Variants in ARID1B observed in about 807,000 individuals in gnomAD.
The protein encoded by ARID1B is AT-rich interaction domain 1B, also known as AT-rich interactive domain-containing protein 1B.
Under a neutral mutation model 212.3 loss-of-function variants are expected in ARID1B, and 30 were observed. The observed-to-expected ratio is 0.14, with a 90% CI of 0.11 to 0.19. ARID1B has a LOEUF of 0.19. Among genes scored for constraint, ARID1B ranks in the 10% least tolerant of loss-of-function variants. ARID1B has a pLI of 1.00. For synonymous variants in ARID1B, 1,402 were observed against 1,301.7 expected (o/e 1.08, Z -1.66); for missense variants, 2,891 against 3,204.0 (o/e 0.90, Z 2.36).
chr6:156,848,306 A>G (rs1371973386), intron 2 of ARID1B, among the ~76,000 whole-genome samples: 1 of 152,252 alleles, frequency 6.6e-6, no homozygotes, highest in Non-Finnish European at 1.5e-5. Context: ...GTGAAACTAA[A>G]AACAACAACA....
intron 2 of ARID1B, among the ~76,000 whole-genome samples, chr6:156,858,464 T>G (rs983128239): frequency 1.3e-5 from 2 of 152,202 alleles, no homozygotes; most frequent in Non-Finnish European, 2.9e-5. Context: ...ATTGTATGCT[T>G]GTATCAAAAG....
chr6:157,041,283 G>A (rs931329276), intron 4 of ARID1B, among the ~76,000 whole-genome samples: 7 of 152,114 alleles, frequency 4.6e-5, no homozygotes, highest in Admixed American at 3.3e-4. Flanking sequence ...TGATAAATCA[G>A]CTAAACATTT....
intron 2 of ARID1B, among the ~76,000 whole-genome samples, chr6:156,874,194 A>G (rs1433887581): frequency 6.6e-6 from 1 of 152,278 alleles, no homozygotes; most frequent in East Asian, 1.9e-4. Context: ...CCTTTCAGGT[A>G]GCTGGGACAA....
intron 4 of ARID1B, among the ~76,000 whole-genome samples, chr6:157,042,610 C>T (rs1376734541): frequency 6.6e-6 from 1 of 150,976 alleles, no homozygotes; most frequent in African/African-American, 2.4e-5. Flanking sequence ...AAAAATGATG[C>T]AATTTATGCT....
Position 157,200,907 on chromosome 6 carries a change from T to C in ARID1B, c.4682T>C (p.Ile1561Thr). The change falls in exon 18 of 20, where the codon ATC becomes ACC. Residue 1561 changes from isoleucine to threonine, a missense_variant. By Grantham distance (89) the Ile-to-Thr change is moderately conservative. This residue lies in a region of ARID1B where 666 missense variants were observed against 873.5 expected (regional missense o/e 0.76). Transcript: ENST00000636930. The surrounding 1 kb of genome is among the most constrained non-coding windows in gnomAD (Gnocchi z 4.3). Reference sequence around the variant, plus strand: ...GAGAGGATGCAGGGCCCGGGGCAGATCCAGACACACGGAATCCCGCCTCAG... The same window carrying C: ...GAGAGGATGCAGGGCCCGGGGCAGACCCAGACACACGGAATCCCGCCTCAG... ...SRERMQGPGQ[I>T]QTHGIPPQMM... 1 of 1,613,742 alleles carries C rather than the reference T, an allele frequency of 6.2e-7. No individual in the cohort carries two copies. Among genetic ancestry groups the C allele is most frequent in the Non-Finnish European group, 8.5e-7 (1 of 1,179,932 alleles).
At chr6:157,120,120 AG>A (rs1314551935) in intron 6 of ARID1B, among the ~76,000 whole-genome samples, 3 of 152,218 alleles carry the variant, frequency 2.0e-5, no homozygotes, top group Non-Finnish European at 4.4e-5. Flanking sequence ...TTGCTTCTCC[AG>A]GGCATAGCGA....
chr6:156,991,376 G>A (rs1778267730), intron 4 of ARID1B, among the ~76,000 whole-genome samples: 2 of 152,090 alleles, frequency 1.3e-5, no homozygotes, highest in Admixed American at 6.5e-5. Context: ...GATTACAGGT[G>A]CCCATCACCA....
intron 4 of ARID1B, 61 bp from the exon 5 acceptor site, chr6:157,084,601 T>C (rs775185131): frequency 4.5e-6 from 7 of 1,559,372 alleles, no homozygotes; most frequent in Middle Eastern, 1.7e-4. Flanking sequence ...TTTCAAGTCG[T>C]CTTTTGATGA....
At chr6:156,928,599 C>T (rs1182496521) in intron 3 of ARID1B, among the ~76,000 whole-genome samples, 1 of 152,150 alleles carries the variant, frequency 6.6e-6, no homozygotes, top group Non-Finnish European at 1.5e-5. Context: ...CAGGGGGCCA[C>T]ATGGAGTCCT....
intron 2 of ARID1B, among the ~76,000 whole-genome samples, chr6:156,867,239 C>T (rs1407427246): frequency 6.6e-6 from 1 of 152,150 alleles, no homozygotes; most frequent in Non-Finnish European, 1.5e-5. Flanking sequence ...GAGGCTCCTC[C>T]ATGGAAAAGA....
intron 4 of ARID1B, among the ~76,000 whole-genome samples, chr6:157,077,626 C>A (rs1026319107): frequency 1.3e-5 from 2 of 152,178 alleles, no homozygotes; most frequent in Non-Finnish European, 2.9e-5. Flanking sequence ...TGGTTTGGAC[C>A]CCAGTCCCTG....
intron 13 of ARID1B, among the ~76,000 whole-genome samples, chr6:157,187,128 G>C (rs1009316044): frequency 3.9e-4 from 60 of 152,188 alleles, no homozygotes; most frequent in African/African-American, 1.3e-3. Flanking sequence ...TGGCGATCTT[G>C]TTATAAAGCA....
At chr6:156,796,396 C>G (rs1370150823) in intron 1 of ARID1B, among the ~76,000 whole-genome samples, 1 of 126,460 alleles carries the variant, frequency 7.9e-6, no homozygotes, top group Non-Finnish European at 1.6e-5. Context: ...AAGACTGGAC[C>G]TTTACTTTTT....
intron 1 of ARID1B, among the ~76,000 whole-genome samples, chr6:156,828,588 T>C (rs1782923768): frequency 6.6e-6 from 1 of 152,200 alleles, no homozygotes; most frequent in Admixed American, 6.5e-5. Flanking sequence ...ATTCAACATC[T>C]ACTTGTGAAC....
chr6:157,144,180 A>G (rs1789564061), intron 7 of ARID1B, among the ~76,000 whole-genome samples: 1 of 152,220 alleles, frequency 6.6e-6, no homozygotes, highest in African/African-American at 2.4e-5. Flanking sequence ...GTGTTCATTA[A>G]GATACAGCCC....
At chr6:156,879,487 T>C (rs1786866052) in intron 2 of ARID1B, among the ~76,000 whole-genome samples, 1 of 152,220 alleles carries the variant, frequency 6.6e-6, no homozygotes, top group African/African-American at 2.4e-5. Context: ...CTTTTTTCCC[T>C]CTGTGAATTG....
intron 4 of ARID1B, among the ~76,000 whole-genome samples, chr6:156,957,361 C>T (rs748952765): frequency 6.6e-6 from 1 of 152,114 alleles, no homozygotes; most frequent in Non-Finnish European, 1.5e-5. Context: ...ACTTCCTTCC[C>T]ACATACTCAC....
At chr6:156,932,654 A>C (rs899082714) in intron 3 of ARID1B, among the ~76,000 whole-genome samples, 1 of 152,212 alleles carries the variant, frequency 6.6e-6, no homozygotes, top group African/African-American at 2.4e-5. Context: ...GTACCAAAAA[A>C]TAAATATAGC....
intron 4 of ARID1B, among the ~76,000 whole-genome samples, chr6:157,009,318 G>T (rs1779426367): frequency 6.6e-6 from 1 of 152,216 alleles, no homozygotes; most frequent in Non-Finnish European, 1.5e-5. Flanking sequence ...TTTGAGCAGA[G>T]AAGTGATACG....
Sources: allele counts gnomAD v4.1 joint callset (sites outside exome capture counted in the v4.1 genomes callset), GRCh38; gene constraint gnomAD v4.1.1; regional missense constraint gnomAD v4.1.1; non-coding constraint Gnocchi (gnomAD v3.1); transcripts MANE v1.5; gene names NCBI Gene and HGNC (gene_info 2026-07-23, HGNC 2026-07-21).